The following DLG5 variants were observed in gnomAD, a reference collection of about 807,000 sequenced individuals.
DLG5 encodes disks large homolog 5.
Under a neutral mutation model 189.8 loss-of-function variants are expected in DLG5, and 48 were observed. The observed-to-expected ratio is 0.25, with a 90% CI of 0.20 to 0.32. DLG5 has a LOEUF of 0.32. Ranked by LOEUF, DLG5 falls within the 10% of genes least tolerant of loss-of-function variation. The probability of loss-of-function intolerance (pLI) is 1.00; values close to 1 mark genes in which losing one functional copy is unlikely to be tolerated. For synonymous variants in DLG5, 1,016 were observed against 1,054.1 expected (o/e 0.96, Z 0.70); for missense variants, 2,160 against 2,544.7 (o/e 0.85, Z 3.25).
chr10:77,858,280 A>T (rs1844329598), intron 2 of DLG5, among the ~76,000 whole-genome samples: 1 of 152,188 alleles, frequency 6.6e-6, no homozygotes, highest in Non-Finnish European at 1.5e-5. Context: ...AGATTATAAT[A>T]GAGTTAGAAA....
upstream of DLG5, among the ~76,000 whole-genome samples, chr10:77,930,274 T>C (rs1196756849): frequency 1.3e-5 from 2 of 152,170 alleles, no homozygotes; most frequent in African/African-American, 4.8e-5. Context: ...TCTCATAGAC[T>C]GCTCACCGCT....
rs188360129 is a variant in DLG5 at position 77,811,270 on chromosome 10, C to G, written c.4323-36G>C. ...AGGACAGGAGGGATAAGGAGCAGTA[C>G]GAAGCCACCCAGAGCCACCCCCACT... On this transcript the variant is annotated intron_variant, in intron 22 of 31. Coordinates refer to ENST00000372391, the MANE Select transcript of DLG5 (RefSeq NM_004747.4). 1.8e-4 allele frequency: 286 copies of G among 1,593,410 alleles called. 1 individual carries two copies. Among genetic ancestry groups the G allele is most frequent in the Non-Finnish European group, 2.2e-4 (263 of 1,169,648 alleles).
intron 5 of DLG5, among the ~76,000 whole-genome samples, chr10:77,847,289 C>T (rs1338072293): frequency 2.0e-5 from 3 of 152,114 alleles, no homozygotes; most frequent in Non-Finnish European, 2.9e-5. Flanking sequence ...CCACCCTCGG[C>T]CTGCTCCACA....
At chr10:77,861,825 G>A (rs958864410) in intron 2 of DLG5, among the ~76,000 whole-genome samples, 9 of 152,198 alleles carry the variant, frequency 5.9e-5, no homozygotes, top group African/African-American at 1.7e-4. Context: ...AAGGATTCTC[G>A]TTCCACTTCT....
At chr10:77,852,987 T>C (rs1199377197) in intron 5 of DLG5, among the ~76,000 whole-genome samples, 1 of 152,088 alleles carries the variant, frequency 6.6e-6, no homozygotes. Flanking sequence ...TGGTTGGCTG[T>C]GTTTTTTTTA....
chr10:77,807,538 G>A (rs12255858), intron 25 of DLG5, among the ~76,000 whole-genome samples: 6,322 of 152,246 alleles, frequency 0.042, 449 homozygotes, highest in African/African-American at 0.14. Context: ...ACAGGAAAAC[G>A]GGGCTTGACT....
chr10:77,900,883 C>T (rs1428972504), intron 1 of DLG5, among the ~76,000 whole-genome samples: 1 of 152,088 alleles, frequency 6.6e-6, no homozygotes. Flanking sequence ...TGCAGTGAGC[C>T]AAGATCGTGC....
intron 20 of DLG5, among the ~76,000 whole-genome samples, chr10:77,814,435 T>C (rs749065003): frequency 6.7e-5 from 9 of 134,420 alleles, no homozygotes; most frequent in Admixed American, 4.7e-4. Flanking sequence ...GGAGATTTGA[T>C]TATGTACATA....
the DLG5 span, among the ~76,000 whole-genome samples, chr10:77,933,038 T>C: frequency 1.0e-3 from 155 of 152,268 alleles, no homozygotes; most frequent in Middle Eastern, 6.8e-3. Flanking sequence ...GAGGGCACAG[T>C]CCCCTCAAGC....
chr10:77,870,662 G>C (rs1844860527), intron 1 of DLG5, among the ~76,000 whole-genome samples: 1 of 151,938 alleles, frequency 6.6e-6, no homozygotes, highest in Non-Finnish European at 1.5e-5. Context: ...TTCAGCCTGG[G>C]CAACAAAGTG....
At chr10:77,797,579 T>C (rs147533737) in intron 27 of DLG5, among the ~76,000 whole-genome samples, 1 of 152,078 alleles carries the variant, frequency 6.6e-6, no homozygotes, top group African/African-American at 2.4e-5. Flanking sequence ...AGGAGGGAAG[T>C]GGGATGAGAG....
chr10:77,839,923 T>C (rs1258866767), intron 7 of DLG5, among the ~76,000 whole-genome samples: 1 of 152,214 alleles, frequency 6.6e-6, no homozygotes, highest in Non-Finnish European at 1.5e-5. Context: ...ACAGAAACAG[T>C]TTAATGAGGT....
At chr10:77,909,982 C>T (rs548636378) in intron 1 of DLG5, among the ~76,000 whole-genome samples, 1 of 152,182 alleles carries the variant, frequency 6.6e-6, no homozygotes, top group South Asian at 2.1e-4. Flanking sequence ...AAGAAGAAGC[C>T]ACGGCAGCCA....
At chr10:77,933,526 T>C in the DLG5 span, among the ~76,000 whole-genome samples, 1 of 152,058 alleles carries the variant, frequency 6.6e-6, no homozygotes, top group African/African-American at 2.4e-5. Flanking sequence ...ACTCCTGCCC[T>C]CAGGTGATCC....
intron 5 of DLG5, among the ~76,000 whole-genome samples, chr10:77,846,453 C>T (rs1197125909): frequency 6.6e-6 from 1 of 152,154 alleles, no homozygotes; most frequent in African/African-American, 2.4e-5. Context: ...AATCCCAGCA[C>T]TTTGGGAGGC....
chr10:77,847,854 G>A (rs114901334), intron 5 of DLG5, among the ~76,000 whole-genome samples: 4,826 of 152,146 alleles, frequency 0.032, 264 homozygotes, highest in African/African-American at 0.11. Flanking sequence ...CCACAGACAC[G>A]CCCCACCACA....
At chr10:77,902,583 G>A (rs575273431) in intron 1 of DLG5, among the ~76,000 whole-genome samples, 2 of 151,980 alleles carry the variant, frequency 1.3e-5, no homozygotes, top group Admixed American at 1.3e-4. Flanking sequence ...ATTGAGGGCC[G>A]GGCGCGGTGG....
chr10:77,894,913 T>G (rs1239885940), intron 1 of DLG5, among the ~76,000 whole-genome samples: 1 of 152,114 alleles, frequency 6.6e-6, no homozygotes, highest in African/African-American at 2.4e-5. Context: ...GGGCAAGGGG[T>G]TTGCCAAGAC....
chr10:77,865,883 C>CCGCCTGAGAGAA (rs1330239824), intron 2 of DLG5, among the ~76,000 whole-genome samples: 2 of 152,148 alleles, frequency 1.3e-5, no homozygotes, highest in African/African-American at 4.8e-5. Flanking sequence ...ACCCGACAGA[C>CCGCCTGAGAGAA]CGCCTGAGAG....
Sources: allele counts gnomAD v4.1 joint callset (sites outside exome capture counted in the v4.1 genomes callset), GRCh38; gene constraint gnomAD v4.1.1; transcripts MANE v1.5; gene names NCBI Gene and HGNC (gene_info 2026-07-23, HGNC 2026-07-21).